RBL1: variants seen among roughly 807,000 people sequenced by gnomAD.
The protein encoded by RBL1 is retinoblastoma-like protein 1.
A neutral mutation model predicts 123.0 loss-of-function variants in RBL1; 82 were observed. That is an observed-to-expected ratio of 0.67 (90% CI 0.56 to 0.80). The LOEUF (loss-of-function observed/expected upper bound fraction) is 0.80, where lower values mean the gene tolerates loss of function less well. Ranked by LOEUF, RBL1 falls within the 30% of genes least tolerant of loss-of-function variation. RBL1 has a pLI of 0.00. For missense variants in RBL1, 1,171 were observed against 1,299.6 expected (o/e 0.90, Z 1.52); for synonymous variants, 405 against 441.3 (o/e 0.92, Z 1.03).
At chr20:37,045,363 C>T (rs2064804800) in intron 12 of RBL1, among the ~76,000 whole-genome samples, 1 of 152,026 alleles carries the variant, frequency 6.6e-6, no homozygotes, top group Non-Finnish European at 1.5e-5. Context: ...GCCTTGGCCT[C>T]CCAAAGTGCT....
chr20:37,011,641 G>T (rs2064149373), intron 19 of RBL1, among the ~76,000 whole-genome samples: 1 of 151,700 alleles, frequency 6.6e-6, no homozygotes, highest in South Asian at 2.1e-4. Flanking sequence ...CACCATGTCG[G>T]CAAGACTGGT....
At position 37,089,047 on chromosome 20, in the gene RBL1, C is replaced by A. The variant is rs776567571; in HGVS notation, c.232G>T (p.Gly78Cys). 16 of 1,612,188 alleles carry A rather than the reference C, an allele frequency of 9.9e-6. No individual in the cohort carries two copies. The Admixed American group carries it at 2.7e-4, about 27-fold the overall frequency. The change falls in exon 2 of 22, where the codon GGT becomes TGT. Residue 78 changes from glycine (G) to cysteine (C), a missense_variant. Physicochemically the swap from Gly to Cys is radical, Grantham distance 159 (BLOSUM62 -3). Transcript: ENST00000373664. ...RKSIIPTVGKGIMEGNCVSLT... is the reference protein window; with the variant it reads ...RKSIIPTVGKCIMEGNCVSLT... ...GAAACACAGTTGCCTTCCATGATAC[C>A]CTTTCCAACCGTGGGAATAATGCTT...
At chr20:37,047,490 GAC>G (rs1161560179) in intron 11 of RBL1, among the ~76,000 whole-genome samples, 1 of 152,080 alleles carries the variant, frequency 6.6e-6, no homozygotes, top group African/African-American at 2.4e-5. Flanking sequence ...TTTTCTTAAT[GAC>G]AGTTAATTGT....
At chr20:37,027,011 A>C (rs1469868449) in intron 16 of RBL1, among the ~76,000 whole-genome samples, 6 of 142,056 alleles carry the variant, frequency 4.2e-5, no homozygotes, top group East Asian at 2.0e-4. Context: ...AAAAAAAAAC[A>C]ACAAAAAAAA....
At chr20:37,044,041 T>TG in intron 13 of RBL1, 45 bp downstream of exon 13, 2 of 1,404,110 alleles carry the variant, frequency 1.4e-6, no homozygotes, top group Non-Finnish European at 1.9e-6. Context: ...TGGTTTTTTT[T>TG]TTTTTTTTTT....
intron 7 of RBL1, among the ~76,000 whole-genome samples, chr20:37,065,009 G>T (rs2065156741): frequency 6.7e-6 from 1 of 149,040 alleles, no homozygotes; most frequent in Admixed American, 6.8e-5. Context: ...ACGGCTCACT[G>T]CAACCACAAC....
intron 2 of RBL1, among the ~76,000 whole-genome samples, chr20:37,071,126 C>T (rs1310726889): frequency 6.6e-6 from 1 of 152,042 alleles, no homozygotes; most frequent in African/African-American, 2.4e-5. Context: ...AACTCCTGAC[C>T]TCAGATGATC....
intron 9 of RBL1, among the ~76,000 whole-genome samples, chr20:37,057,937 C>T (rs1407183350): frequency 6.6e-6 from 1 of 151,700 alleles, no homozygotes; most frequent in African/African-American, 2.4e-5. Context: ...ACCAGCCTGA[C>T]CAATATGGTA....
intron 19 of RBL1, among the ~76,000 whole-genome samples, chr20:37,012,638 G>A (rs1286746917): frequency 1.4e-5 from 2 of 144,198 alleles, no homozygotes; most frequent in Non-Finnish European, 1.5e-5. Flanking sequence ...CAGCCACCCC[G>A]TCTGGGAAGT....
At chr20:37,029,899 A>C (rs2064479906) in intron 16 of RBL1, among the ~76,000 whole-genome samples, 1 of 152,206 alleles carries the variant, frequency 6.6e-6, no homozygotes, top group African/African-American at 2.4e-5. Context: ...CTTGCAAAAG[A>C]CATATACAGA....
intron 1 of RBL1, 21 bp downstream of exon 1, chr20:37,095,752 G>A (rs764754922): frequency 1.3e-6 from 2 of 1,567,124 alleles, no homozygotes; most frequent in Admixed American, 1.7e-5. Context: ...GGGTCCGGCC[G>A]CCCCACCTGC....
At chr20:37,010,760 A>ATGTGTGTG (rs374094594) in intron 19 of RBL1, among the ~76,000 whole-genome samples, 41 of 143,070 alleles carry the variant, frequency 2.9e-4, no homozygotes, top group African/African-American at 1.2e-3. Flanking sequence ...GCACATGACT[A>ATGTGTGTG]TGTGTGTGTG....
At chr20:36,999,753 C>T (rs1177840363) in intron 21 of RBL1, among the ~76,000 whole-genome samples, 4 of 152,232 alleles carry the variant, frequency 2.6e-5, no homozygotes, top group Non-Finnish European at 5.9e-5. Context: ...CTCGGCCTCC[C>T]GAGGTGCCGG....
chr20:37,018,165 T>C (rs960794629), intron 19 of RBL1, 114 bp downstream of exon 19: 2 of 1,211,436 alleles, frequency 1.7e-6, no homozygotes, highest in Non-Finnish European at 2.2e-6. Context: ...AACATATGCA[T>C]TGTCCACCTC....
intron 2 of RBL1, among the ~76,000 whole-genome samples, chr20:37,081,203 T>C (rs1157346395): frequency 1.3e-5 from 2 of 152,170 alleles, no homozygotes; most frequent in South Asian, 2.1e-4. Flanking sequence ...CTTTGTAATA[T>C]TCCCCCCTCC....
At chr20:37,048,902 A>T (rs2064857135) in intron 11 of RBL1, among the ~76,000 whole-genome samples, 3 of 126,958 alleles carry the variant, frequency 2.4e-5, no homozygotes, top group African/African-American at 6.8e-5. Context: ...CCATCGTATT[A>T]AAAAAAAAAA....
At chr20:36,999,388 C>T (rs1176078879) in intron 21 of RBL1, among the ~76,000 whole-genome samples, 1 of 151,852 alleles carries the variant, frequency 6.6e-6, no homozygotes, top group African/African-American at 2.4e-5. Context: ...GACCTTGTCT[C>T]AAAAACCAAA....
Position 37,095,972 on chromosome 20 carries a change from T to C in RBL1, c.-44A>G, listed in dbSNP as rs780305590. 4 of 1,433,024 alleles carry C rather than the reference T, an allele frequency of 2.8e-6. No homozygotes were observed. The highest frequency in any genetic ancestry group is 2.5e-5 in the East Asian group (1 of 40,108). The allele number at this position is 1,433,024 out of a possible 1,614,324, so 88.8% of individuals were successfully genotyped here. On this transcript the variant is annotated 5_prime_UTR_variant, in exon 1 of 22. Coordinates refer to ENST00000373664, the MANE Select transcript of RBL1 (RefSeq NM_002895.5). ...CTGCGCGCCACGGCCCCCGACTTCT[T>C]TCTCCCTCCCAGGCGCGCTACCCAC...
At chr20:37,054,691 G>A (rs868227615) in intron 11 of RBL1, among the ~76,000 whole-genome samples, 8 of 151,692 alleles carry the variant, frequency 5.3e-5, no homozygotes, top group South Asian at 2.1e-4. Context: ...TTAGCCAGGC[G>A]TGGTGGCGGG....
Sources: allele counts gnomAD v4.1 joint callset (sites outside exome capture counted in the v4.1 genomes callset), GRCh38; gene constraint gnomAD v4.1.1; transcripts MANE v1.5; gene names NCBI Gene and HGNC (gene_info 2026-07-23, HGNC 2026-07-21).